Variants in CDH13 observed in about 807,000 individuals in gnomAD.
CDH13 encodes the protein cadherin-13.
In CDH13, 24 loss-of-function variants were observed where a neutral mutation model predicts 63.8. That is an observed-to-expected ratio of 0.38 (90% CI 0.27 to 0.53). CDH13 has a LOEUF of 0.53. Among genes scored for constraint, CDH13 ranks in the 20% least tolerant of loss-of-function variants. The probability of loss-of-function intolerance (pLI) is 0.85; values close to 1 mark genes in which losing one functional copy is unlikely to be tolerated. For missense variants in CDH13, 1,049 were observed against 903.1 expected (o/e 1.16, Z -2.07); for synonymous variants, 503 against 355.3 (o/e 1.42, Z -4.67).
At chr16:82,691,185 C>T (rs1020415772) in intron 1 of CDH13, among the ~76,000 whole-genome samples, 16 of 152,172 alleles carry the variant, frequency 1.1e-4, no homozygotes, top group Non-Finnish European at 1.8e-4. Context: ...GAGGTGTTAC[C>T]TACAAGTGAG....
intron 2 of CDH13, among the ~76,000 whole-genome samples, chr16:82,945,417 A>G (rs1904597554): frequency 6.6e-6 from 1 of 152,216 alleles, no homozygotes; most frequent in Non-Finnish European, 1.5e-5. Flanking sequence ...GGATATTAAG[A>G]TGATGTTTCC....
At chr16:83,424,915 C>A (rs1480151716) in intron 6 of CDH13, among the ~76,000 whole-genome samples, 1 of 152,110 alleles carries the variant, frequency 6.6e-6, no homozygotes, top group Non-Finnish European at 1.5e-5. Flanking sequence ...AAGGATTTGG[C>A]CTGATTCGTT....
Position 83,652,472 on chromosome 16 carries a change from A to G in CDH13, c.1102-18318A>G, listed in dbSNP as rs562506303. ...CTCCATGGGCTGCAGGGGTCTGTGTAGTTTCTCCATTAACTTCAGCAACAC... is the reference window on the plus strand; with the variant it reads ...CTCCATGGGCTGCAGGGGTCTGTGTGGTTTCTCCATTAACTTCAGCAACAC... On this transcript the variant is annotated intron_variant, in intron 8 of 13. Coordinates refer to ENST00000567109, the MANE Select transcript of CDH13 (RefSeq NM_001257.5). Among the ~76,000 whole-genome samples, 207 of 152,118 alleles carry G rather than the reference A, an allele frequency of 1.4e-3. 1 individual carries two copies. Among genetic ancestry groups the G allele is most frequent in the African/African-American group, 4.8e-3 (201 of 41,468 alleles).
intron 3 of CDH13, among the ~76,000 whole-genome samples, chr16:83,100,995 A>G (rs899624671): frequency 3.9e-5 from 6 of 152,146 alleles, no homozygotes; most frequent in Non-Finnish European, 7.4e-5. Flanking sequence ...CATTTCCTAT[A>G]TGATTCAGAT....
intron 1 of CDH13, among the ~76,000 whole-genome samples, chr16:82,856,911 G>A (rs1422604040): frequency 6.6e-6 from 1 of 152,008 alleles, no homozygotes; most frequent in African/African-American, 2.4e-5. Context: ...GAGGGGTGAG[G>A]GAATTGGGAT....
intron 2 of CDH13, among the ~76,000 whole-genome samples, chr16:82,930,240 C>T (rs2042446402): frequency 6.6e-6 from 1 of 151,908 alleles, no homozygotes; most frequent in Non-Finnish European, 1.5e-5. Context: ...GCCTCCCAAA[C>T]TGCTGGGATT....
At chr16:83,168,784 T>C (rs55894072) in intron 4 of CDH13, among the ~76,000 whole-genome samples, 13,213 of 152,218 alleles carry the variant, frequency 0.087, 700 homozygotes, top group Middle Eastern at 0.2. Context: ...TCAAATTGTA[T>C]TCTGCTTTTT....
At chr16:82,946,733 G>C (rs1247473665) in intron 2 of CDH13, among the ~76,000 whole-genome samples, 1 of 136,424 alleles carries the variant, frequency 7.3e-6, no homozygotes, top group Non-Finnish European at 1.6e-5. Flanking sequence ...AAAAAAGAAA[G>C]AAAAAACATA....
intron 3 of CDH13, among the ~76,000 whole-genome samples, chr16:83,073,930 G>A (rs763148608): frequency 1.3e-5 from 2 of 151,970 alleles, no homozygotes; most frequent in Non-Finnish European, 2.9e-5. Context: ...AATGTGTAAT[G>A]GTCAAGTCAG....
chr16:83,601,963 G>A (rs1907836348), intron 7 of CDH13, among the ~76,000 whole-genome samples: 1 of 151,140 alleles, frequency 6.6e-6, no homozygotes, highest in Non-Finnish European at 1.5e-5. Flanking sequence ...CATGGTGATG[G>A]GCGCCTGTAA....
intron 10 of CDH13, among the ~76,000 whole-genome samples, chr16:83,714,845 G>T (rs1415808642): frequency 1.3e-5 from 2 of 152,034 alleles, no homozygotes; most frequent in Non-Finnish European, 1.5e-5. Context: ...GATGAGAATG[G>T]GTCTTTATCT....
At chr16:82,806,179 C>G (rs60499556) in intron 1 of CDH13, among the ~76,000 whole-genome samples, 2 of 152,140 alleles carry the variant, frequency 1.3e-5, no homozygotes, top group Non-Finnish European at 2.9e-5. Flanking sequence ...TCTCTTGCTT[C>G]CTTGCTGAAC....
At chr16:82,705,107 A>T (rs1013888572) in intron 1 of CDH13, 28 of 455,828 alleles carry the variant, frequency 6.1e-5, no homozygotes, top group Non-Finnish European at 1.1e-4. Flanking sequence ...CCTGCAATTT[A>T]TCAAAAATAA....
intron 1 of CDH13, among the ~76,000 whole-genome samples, chr16:82,743,031 T>C (rs1045660615): frequency 1.3e-5 from 2 of 152,236 alleles, no homozygotes; most frequent in African/African-American, 4.8e-5. Flanking sequence ...TTATAAAATA[T>C]TGAAATGTGT....
At chr16:83,523,242 A>G (rs866202965) in intron 7 of CDH13, among the ~76,000 whole-genome samples, 9 of 152,208 alleles carry the variant, frequency 5.9e-5, no homozygotes, top group Admixed American at 1.3e-4. Flanking sequence ...TGTAGCACTT[A>G]GCATTGTGCC....
intron 7 of CDH13, among the ~76,000 whole-genome samples, chr16:83,529,699 C>T (rs752214273): frequency 1.3e-5 from 2 of 151,936 alleles, no homozygotes; most frequent in African/African-American, 4.8e-5. Context: ...GATTTTAATA[C>T]AAGCACAAAG....
Position 83,304,857 on chromosome 16 carries a change from CCT to C in CDH13, c.637-39998_637-39997del, listed in dbSNP as rs2089836564. 2.6e-5 allele frequency among the ~76,000 whole-genome samples: 4 copies of C among 152,254 alleles called. No individual in the cohort carries two copies. The East Asian group carries it at 5.8e-4, about 22-fold the overall frequency. ...CTCTCTCCCTCTCTCCCCCACCTTT[CCT>C]CTCTCTGTCTCTCTCCCGTATGTGT... On this transcript the variant is annotated intron_variant, in intron 5 of 13. Transcript: ENST00000567109.
intron 9 of CDH13, among the ~76,000 whole-genome samples, chr16:83,671,286 T>C (rs2031828058): frequency 6.6e-6 from 1 of 152,240 alleles, no homozygotes; most frequent in Non-Finnish European, 1.5e-5. Context: ...TCTCACTCTG[T>C]CACCTAGGCT....
intron 4 of CDH13, among the ~76,000 whole-genome samples, chr16:83,134,592 A>AGAGAGAGAGAGG (rs2036202960): frequency 5.0e-5 from 2 of 39,784 alleles, no homozygotes; most frequent in Admixed American, 2.4e-4. Context: ...AGAGAGAGAG[A>AGAGAGAGAGAGG]GTGAGTTACA....
Sources: allele counts gnomAD v4.1 joint callset (sites outside exome capture counted in the v4.1 genomes callset), GRCh38; gene constraint gnomAD v4.1.1; transcripts MANE v1.5; gene names NCBI Gene and HGNC (gene_info 2026-07-23, HGNC 2026-07-21).